Variants in MALRD1 observed in about 807,000 individuals in gnomAD.
MALRD1 encodes the protein MAM and LDL-receptor class A domain-containing protein 1.
A neutral mutation model predicts 242.1 loss-of-function variants in MALRD1; 247 were observed. The observed-to-expected ratio is 1.02, with a 90% confidence interval of 0.92 to 1.13. The LOEUF is 1.13. Ranked by LOEUF, MALRD1 falls within the 50% of genes most tolerant of loss-of-function variation. MALRD1 has a pLI of 0.00. For synonymous variants in MALRD1, 995 were observed against 866.6 expected (o/e 1.15, Z -2.60); for missense variants, 2,989 against 2,533.1 (o/e 1.18, Z -3.86).
rs548227808 is a variant in MALRD1 at position 19,114,409 on chromosome 10, G to A, written c.695-9083G>A. Among the ~76,000 whole-genome samples the A allele has an allele frequency of 1.1e-3, 160 of 152,212 alleles. No individual in the cohort carries two copies. In the Middle Eastern group the frequency reaches 0.027, roughly 26 times the overall value. On this transcript the variant is annotated intron_variant, in intron 5 of 39. Coordinates refer to ENST00000454679, the MANE Select transcript of MALRD1 (RefSeq NM_001142308.3). ...AATGATTGTTTAGGAGGCTGAGGTG[G>A]GCAGATCACTTGAGGTCAGGAGTTC... is the stretch of plus-strand genomic sequence containing the variant.
At chr10:19,301,726 G>T (rs889606992) in intron 21 of MALRD1, among the ~76,000 whole-genome samples, 3 of 151,722 alleles carry the variant, frequency 2.0e-5, no homozygotes, top group Non-Finnish European at 2.9e-5. Context: ...GTGGAGGTGG[G>T]AGGAGGGCGA....
intron 32 of MALRD1, among the ~76,000 whole-genome samples, chr10:19,533,601 A>G (rs1834525878): frequency 6.6e-6 from 1 of 152,192 alleles, no homozygotes; most frequent in East Asian, 1.9e-4. Flanking sequence ...GAAGCATTCA[A>G]GTATGGCGGA....
chr10:19,173,337 C>G (rs1175505738), intron 13 of MALRD1, among the ~76,000 whole-genome samples: 1 of 152,034 alleles, frequency 6.6e-6, no homozygotes, highest in Non-Finnish European at 1.5e-5. Context: ...TAGTATTTCT[C>G]ACTATTGATT....
chr10:19,310,382 T>C (rs1296165146), intron 21 of MALRD1, among the ~76,000 whole-genome samples: 1 of 151,588 alleles, frequency 6.6e-6, no homozygotes, highest in East Asian at 2.0e-4. Context: ...AAACGCTGAA[T>C]TGTGATACAT....
chr10:19,557,570 A>G (rs1167543464), intron 32 of MALRD1, among the ~76,000 whole-genome samples: 1 of 152,080 alleles, frequency 6.6e-6, no homozygotes, highest in African/African-American at 2.4e-5. Flanking sequence ...TCCTTGTCAA[A>G]TATCAGTTAC....
rs945469972 is a variant in MALRD1, at chr10:19,146,350, A to G, written c.1558+6A>G. The G allele has an allele frequency of 1.3e-5, 16 of 1,230,558 alleles. No homozygotes were observed. The highest frequency in any genetic ancestry group is 1.6e-5 in the Non-Finnish European group (16 of 987,308). The allele number at this position is 1,230,558 out of a possible 1,614,324, so 76.2% of individuals were successfully genotyped here. On this transcript the variant is annotated splice_donor_region_variant and intron_variant, in intron 11 of 39. Transcript: ENST00000454679. ...CACAGCAAACATAAATCATGGTAGGACATTTTCCTCTTTAAAAAAAAATAG... is the reference window on the plus strand; with the variant it reads ...CACAGCAAACATAAATCATGGTAGGGCATTTTCCTCTTTAAAAAAAAATAG...
intron 19 of MALRD1, among the ~76,000 whole-genome samples, chr10:19,272,781 G>A (rs1319384879): frequency 3.3e-5 from 5 of 152,116 alleles, no homozygotes; most frequent in Admixed American, 6.6e-5. Flanking sequence ...AACATGTGGT[G>A]TTTGGTTTTC....
intron 38 of MALRD1, among the ~76,000 whole-genome samples, chr10:19,696,064 C>T (rs1051795180): frequency 1.3e-5 from 2 of 152,092 alleles, no homozygotes; most frequent in Non-Finnish European, 1.5e-5. Context: ...AGGCAGGACT[C>T]GTGGCACTAA....
At chr10:19,592,758 C>CGT (rs1837875975) in intron 33 of MALRD1, among the ~76,000 whole-genome samples, 5 of 105,084 alleles carry the variant, frequency 4.8e-5, no homozygotes, top group South Asian at 3.4e-4. Flanking sequence ...CACACACACA[C>CGT]ACACGCACGC....
At chr10:19,680,962 A>G (rs1842344531) in intron 36 of MALRD1, among the ~76,000 whole-genome samples, 1 of 152,168 alleles carries the variant, frequency 6.6e-6, no homozygotes, top group Non-Finnish European at 1.5e-5. Flanking sequence ...AGAATGTTAA[A>G]TATTGGCCTC....
At chr10:19,562,926 G>A (rs1464341214) in intron 32 of MALRD1, among the ~76,000 whole-genome samples, 2 of 152,128 alleles carry the variant, frequency 1.3e-5, no homozygotes, top group Non-Finnish European at 1.5e-5. Context: ...CACCCCATCC[G>A]TGGAAAAAAT....
chr10:19,273,663 G>A (rs1282193450), intron 19 of MALRD1, among the ~76,000 whole-genome samples: 1 of 152,158 alleles, frequency 6.6e-6, no homozygotes. Context: ...ACAATATGAC[G>A]TTCTGGAAAA....
intron 25 of MALRD1, 38 bp downstream of exon 25, chr10:19,348,056 A>G (rs1437363467): frequency 6.5e-7 from 1 of 1,528,698 alleles, no homozygotes; most frequent in African/African-American, 1.4e-5. Flanking sequence ...AAACAAACAC[A>G]GAATTATTGT....
chr10:19,359,045 G>A (rs147420779), intron 26 of MALRD1, among the ~76,000 whole-genome samples: 16 of 152,264 alleles, frequency 1.1e-4, no homozygotes, highest in African/African-American at 3.8e-4. Context: ...GAAGTGACAT[G>A]ACGGCTACTG....
At chr10:19,475,874 A>G (rs1589133502) in intron 29 of MALRD1, among the ~76,000 whole-genome samples, 1 of 152,308 alleles carries the variant, frequency 6.6e-6, no homozygotes, top group South Asian at 2.1e-4. Flanking sequence ...AAGCACATTA[A>G]TGTTATCAAA....
intron 19 of MALRD1, among the ~76,000 whole-genome samples, chr10:19,260,856 T>G (rs949331634): frequency 1.3e-5 from 2 of 152,096 alleles, no homozygotes; most frequent in African/African-American, 4.8e-5. Flanking sequence ...TGTTCACCAC[T>G]AGTGTTATAG....
chr10:19,617,000 A>C (rs1426812272), intron 36 of MALRD1, among the ~76,000 whole-genome samples: 1 of 152,024 alleles, frequency 6.6e-6, no homozygotes, highest in Non-Finnish European at 1.5e-5. Flanking sequence ...AGGATACATA[A>C]TATTAATTTC....
chr10:19,283,353 G>C (rs1012568432), intron 21 of MALRD1, among the ~76,000 whole-genome samples, 172 bp downstream of exon 21: 3 of 152,092 alleles, frequency 2.0e-5, no homozygotes, highest in Non-Finnish European at 4.4e-5. Context: ...AATTAAAAAA[G>C]CAATGAATGC....
intron 26 of MALRD1, among the ~76,000 whole-genome samples, chr10:19,357,295 G>A (rs1844681584): frequency 6.6e-6 from 1 of 151,284 alleles, no homozygotes; most frequent in South Asian, 2.1e-4. Context: ...TGTTTCTTAG[G>A]TTCTAAGATT....
Sources: gnomAD v4.1 joint callset for allele counts (sites outside exome capture counted in the v4.1 genomes callset) on GRCh38, gnomAD v4.1.1 for gene constraint, MANE v1.5 for transcripts, NCBI Gene and HGNC (gene_info 2026-07-23, HGNC 2026-07-21) for gene names.